SGK1: variants seen among roughly 807,000 people sequenced by gnomAD.
SGK1 encodes the protein serine/threonine-protein kinase Sgk1.
A neutral mutation model predicts 64.2 loss-of-function variants in SGK1; 26 were observed. That is an observed-to-expected ratio of 0.40 (90% CI 0.30 to 0.56). SGK1 has a LOEUF of 0.56. Among genes scored for constraint, SGK1 ranks in the 20% least tolerant of loss-of-function variants. SGK1 has a pLI of 0.38. For missense variants in SGK1, 519 were observed against 645.6 expected, an observed-to-expected ratio of 0.80 and a Z score of 2.12; for synonymous variants, 265 against 239.7, an observed-to-expected ratio of 1.11 and a Z score of -0.98.
At chr6:134,172,499 G>T in intron 9 of SGK1, 163 bp downstream of exon 9, 1 of 790,156 alleles carries the variant, frequency 1.3e-6, no homozygotes, top group Non-Finnish European at 2.0e-6. Context: ...TACTTGGCTG[G>T]TTCCCCCTTG....
At chr6:134,257,494 C>T (rs1776702936) in intron 2 of SGK1, among the ~76,000 whole-genome samples, 1 of 152,218 alleles carries the variant, frequency 6.6e-6, no homozygotes, top group African/African-American at 2.4e-5. Flanking sequence ...TTATTTAAAA[C>T]ATTCTTACCT....
chr6:134,311,486 A>G (rs1777607620), intron 1 of SGK1, among the ~76,000 whole-genome samples: 1 of 151,940 alleles, frequency 6.6e-6, no homozygotes, highest in African/African-American at 2.4e-5. Context: ...CTACTAAAAA[A>G]AAAAATACAA....
chr6:134,236,609 A>G (rs1776367690), intron 2 of SGK1, among the ~76,000 whole-genome samples: 1 of 152,142 alleles, frequency 6.6e-6, no homozygotes, highest in East Asian at 1.9e-4. Context: ...CCTGGATGAC[A>G]GACCGAGACT....
At chr6:134,185,555 AGTGT>A (rs55653141) in intron 3 of SGK1, among the ~76,000 whole-genome samples, 18,005 of 145,362 alleles carry the variant, frequency 0.12, 1,200 homozygotes, top group East Asian at 0.25. Context: ...TATCTCTATG[AGTGT>A]GTGTGTGTGT....
rs1168743985 is a variant in SGK1, at chr6:134,170,518, CAAGTTT to C, written c.1414-89_1414-84del. The C allele has an allele frequency of 5.3e-6, 7 of 1,312,486 alleles. No homozygotes were observed. The African/African-American group carries it at 1.0e-4, about 19-fold the overall frequency. 81.3% of individuals were successfully genotyped at this position (1,312,486 alleles called of 1,614,324 possible). On this transcript the variant is annotated intron_variant, in intron 13 of 13. Coordinates refer to ENST00000367858, the MANE Select transcript of SGK1 (RefSeq NM_001143676.3). Reference sequence around the variant, plus strand: ...GAAATCTTGACCAGGCTTTAAATACCAAGTTTAAGTCTTATATCAACTTCCATAATC... The same window carrying C: ...GAAATCTTGACCAGGCTTTAAATACCAAGTCTTATATCAACTTCCATAATC...
chr6:134,238,488 A>G (rs1468537885), intron 2 of SGK1, among the ~76,000 whole-genome samples: 1 of 152,226 alleles, frequency 6.6e-6, no homozygotes, highest in Admixed American at 6.5e-5. Flanking sequence ...TTGAAATCAA[A>G]GAAGTAGGGG....
Position 134,172,759 on chromosome 6 carries a change from G to C in SGK1, c.850C>G (p.Gln284Glu). ...INGGELFYHL[Q>E]RERCFLEPRA... The stretch of plus-strand genomic sequence containing the variant: ...GGTTCCAGGAAGCAGCGTTCCCTCT[G>C]GAGATGGTAGAACAACTGCAGGAGA... The change falls in exon 9 of 14, where the codon CAG becomes GAG. Residue 284 changes from glutamine (Q) to glutamate (E), a missense_variant. By Grantham distance (29) the Gln-to-Glu change is conservative (BLOSUM62 2). This residue lies in a region of SGK1 where 278 missense variants were observed against 408.7 expected (regional missense o/e 0.68). Coordinates refer to ENST00000367858, the MANE Select transcript of SGK1 (RefSeq NM_001143676.3). 6.2e-7 allele frequency: 1 copy of C among 1,612,862 alleles called. No homozygotes were observed. The highest frequency in any genetic ancestry group is 8.5e-7 in the Non-Finnish European group (1 of 1,178,846).
chr6:134,229,866 T>TC (rs200699518), intron 2 of SGK1, among the ~76,000 whole-genome samples: 3,702 of 151,524 alleles, frequency 0.024, 66 homozygotes, highest in Non-Finnish European at 0.038. Flanking sequence ...AGAAAACATC[T>TC]TTTTTTTTCC....
chr6:134,316,743 CAAAAAAAAAAAAAAAAAAAA>C (rs141130901), intron 1 of SGK1, among the ~76,000 whole-genome samples: 7 of 39,286 alleles, frequency 1.8e-4, no homozygotes, highest in Admixed American at 3.6e-4. Context: ...TGCTCTCTCC[CAAAAAAAAAAAAAAAAAAAA>C]AAAAAAAAAG....
At chr6:134,178,579 G>A (rs1052122340) in intron 3 of SGK1, among the ~76,000 whole-genome samples, 5 of 152,180 alleles carry the variant, frequency 3.3e-5, no homozygotes, top group Non-Finnish European at 7.3e-5. Context: ...GAGGAATCCG[G>A]CCCCTTTCCT....
intron 2 of SGK1, among the ~76,000 whole-genome samples, chr6:134,243,574 G>A (rs1776480211): frequency 6.6e-6 from 1 of 152,110 alleles, no homozygotes; most frequent in Non-Finnish European, 1.5e-5. Context: ...TCTCCATGTT[G>A]GTCAGGCTGG....
At chr6:134,316,743 CAAAAAAAAAAAAAAAA>C (rs141130901) in intron 1 of SGK1, among the ~76,000 whole-genome samples, 7 of 39,286 alleles carry the variant, frequency 1.8e-4, no homozygotes, top group Admixed American at 1.1e-3. Context: ...TGCTCTCTCC[CAAAAAAAAAAAAAAAA>C]AAAAAAAAAA....
In SGK1 at chr6:134,211,207, T is replaced by C. The variant is rs138757607; in HGVS notation, c.286-3776A>G. Reference sequence around the variant, plus strand: ...ACACAAAATCTAGAATAGATTGCCATCCTATTTTGTCAGTATATCAGAAAG... The same window carrying C: ...ACACAAAATCTAGAATAGATTGCCACCCTATTTTGTCAGTATATCAGAAAG... On this transcript the variant is annotated intron_variant, in intron 2 of 13. Coordinates refer to ENST00000367858, the MANE Select transcript of SGK1 (RefSeq NM_001143676.3). Among the ~76,000 whole-genome samples, 1,120 of 152,260 alleles carry C rather than the reference T, an allele frequency of 7.4e-3. 19 individuals are homozygous for C. The highest frequency in any genetic ancestry group is 0.025 in the African/African-American group (1,036 of 41,546).
At chr6:134,298,464 A>G (rs182861201) in intron 1 of SGK1, 15,425 of 832,168 alleles carry the variant, frequency 0.019, 316 homozygotes, top group Non-Finnish European at 0.018. Flanking sequence ...ATCCACCTCC[A>G]GATTAAGTGG....
intron 3 of SGK1, chr6:134,175,850 C>G (rs913923553): frequency 3.3e-6 from 4 of 1,212,518 alleles, no homozygotes; most frequent in Non-Finnish European, 3.1e-6. Flanking sequence ...CAAAACCAAG[C>G]AAGGCTGAAA....
At chr6:134,246,336 T>A (rs926246569) in intron 2 of SGK1, among the ~76,000 whole-genome samples, 3 of 148,050 alleles carry the variant, frequency 2.0e-5, no homozygotes, top group African/African-American at 7.5e-5. Flanking sequence ...TTTTTTTTTT[T>A]AGTAGAGAAG....
At chr6:134,286,952 CTTATT>C (rs1461633100) in intron 1 of SGK1, among the ~76,000 whole-genome samples, 1 of 151,828 alleles carries the variant, frequency 6.6e-6, no homozygotes, top group African/African-American at 2.4e-5. Flanking sequence ...AGTTGTATGT[CTTATT>C]TTGTTTTGTC....
At chr6:134,298,501 C>A in intron 1 of SGK1, 1 of 803,508 alleles carries the variant, frequency 1.2e-6, no homozygotes, top group Non-Finnish European at 2.2e-6. Flanking sequence ...TTGACTGTGA[C>A]GGCAGTGATG....
Position 134,173,068 on chromosome 6 carries a change from A to C in SGK1, c.789T>G (p.Thr263=). 1 of 1,614,140 alleles carries C rather than the reference A, an allele frequency of 6.2e-7. No individual in the cohort carries two copies. The change falls in exon 8 of 14, where the codon ACT becomes ACG. Residue 263 remains threonine (T), a synonymous_variant. Transcript: ENST00000367858. ...FLVGLHFSFQ[T]ADKLYFVLDY... is the part of the protein sequence containing the mutation. ...CTAGGACAAAGTACAATTTGTCAGC[A>C]GTCTGGAAAGAGAAGTGAAGGCCCA...
Sources: gnomAD v4.1 joint callset for allele counts (sites outside exome capture counted in the v4.1 genomes callset) on GRCh38, gnomAD v4.1.1 for gene constraint, gnomAD v4.1.1 regional missense constraint, MANE v1.5 for transcripts, NCBI Gene and HGNC (gene_info 2026-07-23, HGNC 2026-07-21) for gene names.